The following KANK1 variants were observed in gnomAD, a reference collection of about 807,000 sequenced individuals.
KANK1 encodes the protein KN motif and ankyrin repeat domain-containing protein 1.
In KANK1, 109 loss-of-function variants were observed where a neutral mutation model predicts 106.2. The ratio of observed to expected loss-of-function variants is 1.03; its 90% CI spans 0.88 to 1.20. KANK1 has a LOEUF of 1.20. Ranked by LOEUF, KANK1 falls within the 50% of genes most tolerant of loss-of-function variation. The probability of loss-of-function intolerance (pLI) is 0.00; values close to 1 mark genes in which losing one functional copy is unlikely to be tolerated. For synonymous variants in KANK1, 873 were observed against 652.2 expected, an observed-to-expected ratio of 1.34 and a Z score of -5.16; for missense variants, 2,399 against 1,710.7, an observed-to-expected ratio of 1.40 and a Z score of -7.10.
intron 1 of KANK1, among the ~76,000 whole-genome samples, chr9:532,858 T>G (rs2133585517): frequency 6.6e-6 from 1 of 152,298 alleles, no homozygotes; most frequent in South Asian, 2.1e-4. Context: ...TTCTTATCTC[T>G]TGGCAAGAAA....
At chr9:515,333 A>T (rs2059233432) in intron 1 of KANK1, among the ~76,000 whole-genome samples, 1 of 150,402 alleles carries the variant, frequency 6.6e-6, no homozygotes, top group Non-Finnish European at 1.5e-5. Context: ...TGAAAGAGCA[A>T]GACTCCTTCT....
intron 1 of KANK1, among the ~76,000 whole-genome samples, chr9:601,179 C>G (rs141559988): frequency 5.9e-5 from 9 of 151,900 alleles, no homozygotes; most frequent in Admixed American, 3.9e-4. Flanking sequence ...CTCCCATACC[C>G]TTCACTCAGT....
chr9:492,256 AT>A (rs1262717712), intron 3 of KANK1: 1 of 152,232 alleles, frequency 6.6e-6, no homozygotes, highest in Non-Finnish European at 1.5e-5. Flanking sequence ...CTGTAGGGAA[AT>A]CCTTAACTGC....
intron 3 of KANK1, among the ~76,000 whole-genome samples, chr9:493,745 C>G (rs1009264117): frequency 4.0e-5 from 6 of 151,606 alleles, no homozygotes; most frequent in African/African-American, 1.2e-4. Context: ...CAGGGTTTCA[C>G]CATGTCGGCC....
At chr9:723,964 G>A (rs893322426) in intron 3 of KANK1, among the ~76,000 whole-genome samples, 21 of 150,994 alleles carry the variant, frequency 1.4e-4, no homozygotes, top group African/African-American at 4.4e-4. Context: ...GAAGCCAGGC[G>A]TGGTTTTGTA....
At chr9:560,194 C>CAGAT (rs1193315846) in intron 1 of KANK1, among the ~76,000 whole-genome samples, 1 of 152,148 alleles carries the variant, frequency 6.6e-6, no homozygotes, top group East Asian at 1.9e-4. Flanking sequence ...CTGTATAAAT[C>CAGAT]AGATACTTAT....
chr9:505,231 C>G (rs1016805111), intron 1 of KANK1, among the ~76,000 whole-genome samples: 1 of 152,136 alleles, frequency 6.6e-6, no homozygotes, highest in Admixed American at 6.5e-5. Flanking sequence ...TGGATGTTGC[C>G]CTTCGCGGGA....
chr9:483,163 T>G (rs73386710), intron 3 of KANK1, among the ~76,000 whole-genome samples: 5,087 of 152,190 alleles, frequency 0.033, 278 homozygotes, highest in African/African-American at 0.12. Flanking sequence ...TTATCATAGA[T>G]ATGTATGTAT....
chr9:531,928 A>T (rs1318986117), intron 1 of KANK1, among the ~76,000 whole-genome samples: 4 of 152,184 alleles, frequency 2.6e-5, no homozygotes, highest in African/African-American at 9.7e-5. Flanking sequence ...TTTTGTCTAG[A>T]TGCTCACCTG....
chr9:632,607 G>A (rs1836009689), intron 1 of KANK1, among the ~76,000 whole-genome samples: 1 of 152,106 alleles, frequency 6.6e-6, no homozygotes, highest in African/African-American at 2.4e-5. Context: ...TCATTCCGTG[G>A]AGTCACACTG....
chr9:607,269 T>G (rs571791303), intron 1 of KANK1, among the ~76,000 whole-genome samples: 1 of 151,748 alleles, frequency 6.6e-6, no homozygotes, highest in South Asian at 2.1e-4. Flanking sequence ...GTGGATCACT[T>G]GAGGTCAGAA....
At chr9:624,328 A>G (rs1255408881) in intron 1 of KANK1, among the ~76,000 whole-genome samples, 1 of 152,174 alleles carries the variant, frequency 6.6e-6, no homozygotes, top group Admixed American at 6.5e-5. Flanking sequence ...TTCCCTCTCC[A>G]TGCAGAGGGT....
chr9:623,128 G>C (rs1226131794), intron 1 of KANK1, among the ~76,000 whole-genome samples: 1 of 152,016 alleles, frequency 6.6e-6, no homozygotes, highest in East Asian at 1.9e-4. Context: ...GTAACATACA[G>C]GCTGGGAGAG....
intron 3 of KANK1, among the ~76,000 whole-genome samples, chr9:729,278 C>G (rs915753551): frequency 6.6e-6 from 1 of 152,146 alleles, no homozygotes; most frequent in Non-Finnish European, 1.5e-5. Context: ...AACCATCATA[C>G]AAGTCATCTT....
chr9:653,743 C>T (rs1024888898), intron 1 of KANK1, among the ~76,000 whole-genome samples: 1 of 152,104 alleles, frequency 6.6e-6, no homozygotes, highest in African/African-American at 2.4e-5. Flanking sequence ...GGTTTTCATA[C>T]CTTTGTTGCA....
Position 514,015 on chromosome 9 carries a change from T to TAAA in KANK1, c.-84+9261_-84+9262insAAA, listed in dbSNP as rs1422064506. ...CTGGGTGACAGAGCGAGACTCCGTCTCGAACAAAAGTTGAAATGAAACATA... is the reference window on the plus strand; with the variant it reads ...CTGGGTGACAGAGCGAGACTCCGTCTAAACGAACAAAAGTTGAAATGAAACATA... On this transcript the variant is annotated intron_variant, in intron 1 of 11. Coordinates refer to ENST00000382297, the MANE Select transcript of KANK1 (RefSeq NM_015158.5). 5.5e-3 allele frequency among the ~76,000 whole-genome samples: 742 copies of TAAA among 135,092 alleles called. 9 individuals are homozygous for TAAA. Among genetic ancestry groups the TAAA allele is most frequent in the African/African-American group, 0.025 (709 of 28,218 alleles). The allele number at this position is 135,092 out of a possible 152,430, so 88.6% of individuals were successfully genotyped here.
At chr9:722,415 T>G (rs1829589936) in intron 3 of KANK1, among the ~76,000 whole-genome samples, 1 of 152,164 alleles carries the variant, frequency 6.6e-6, no homozygotes, top group Non-Finnish European at 1.5e-5. Context: ...TTTTAAAGTC[T>G]CACCCTCGAT....
chr9:626,129 A>G (rs1834288607), intron 1 of KANK1, among the ~76,000 whole-genome samples: 1 of 152,196 alleles, frequency 6.6e-6, no homozygotes, highest in African/African-American at 2.4e-5. Context: ...TACTGAAGAA[A>G]TGAAATAAGC....
rs144901248 is a variant in KANK1 at position 623,917 on chromosome 9, T to G, written c.-83-52973T>G. Among the ~76,000 whole-genome samples, 4 of 152,280 alleles carry G rather than the reference T, an allele frequency of 2.6e-5. No homozygotes were observed. The East Asian group carries it at 5.8e-4, about 22-fold the overall frequency. On this transcript the variant is annotated intron_variant, in intron 1 of 11. Coordinates refer to ENST00000382297, the MANE Select transcript of KANK1 (RefSeq NM_015158.5). ...ACATCAAATTAGTATGTCAAAGAGA[T>G]ATCTTCACTTCCATATTTATTTCAG...
Sources: gnomAD v4.1 joint callset for allele counts (sites outside exome capture counted in the v4.1 genomes callset) on GRCh38, gnomAD v4.1.1 for gene constraint, MANE v1.5 for transcripts, NCBI Gene and HGNC (gene_info 2026-07-23, HGNC 2026-07-21) for gene names.